The following NFKB1 variants were observed in gnomAD, a reference collection of about 807,000 sequenced individuals.
NFKB1 encodes the protein nuclear factor kappa B subunit 1.
NFKB1 carries 9 observed loss-of-function variants against 105.1 expected under a neutral mutation model. The ratio of observed to expected loss-of-function variants is 0.09; its 90% CI spans 0.05 to 0.15. The LOEUF (loss-of-function observed/expected upper bound fraction) is 0.15. Among genes scored for constraint, NFKB1 ranks in the 10% least tolerant of loss-of-function variants. The probability of loss-of-function intolerance (pLI) is 1.00; values close to 1 mark genes in which losing one functional copy is unlikely to be tolerated. For synonymous variants in NFKB1, 440 were observed against 442.2 expected (o/e 1.00, Z 0.06); for missense variants, 830 against 1,203.7 (o/e 0.69, Z 4.59).
At chr4:102,551,914 T>G (rs186478468) in intron 5 of NFKB1, among the ~76,000 whole-genome samples, 19 of 152,266 alleles carry the variant, frequency 1.2e-4, no homozygotes, top group African/African-American at 4.6e-4. Flanking sequence ...GAAAACAAAT[T>G]ACAAGTACAG....
At chr4:102,520,079 C>T (rs1740466383) in intron 1 of NFKB1, among the ~76,000 whole-genome samples, 1 of 152,146 alleles carries the variant, frequency 6.6e-6, no homozygotes, top group South Asian at 2.1e-4. Context: ...TCTGTAGCCT[C>T]TATACACTAG....
chr4:102,557,670 A>C (rs757948214), intron 5 of NFKB1, among the ~76,000 whole-genome samples: 1 of 152,190 alleles, frequency 6.6e-6, no homozygotes, highest in Non-Finnish European at 1.5e-5. Flanking sequence ...AGCATAGAGG[A>C]AATATCTGAG....
At chr4:102,587,294 A>T (rs1725789412) in intron 11 of NFKB1, among the ~76,000 whole-genome samples, 1 of 152,230 alleles carries the variant, frequency 6.6e-6, no homozygotes, top group African/African-American at 2.4e-5. Flanking sequence ...CACAGAAGAA[A>T]AATATGGATA....
At chr4:102,574,754 G>A (rs1724676164) in intron 6 of NFKB1, among the ~76,000 whole-genome samples, 1 of 152,032 alleles carries the variant, frequency 6.6e-6, no homozygotes, top group African/African-American at 2.4e-5. Flanking sequence ...GATATTTAAG[G>A]TTCAAACCAG....
chr4:102,522,269 C>T (rs1364509522), intron 1 of NFKB1, among the ~76,000 whole-genome samples: 3 of 152,202 alleles, frequency 2.0e-5, no homozygotes, highest in African/African-American at 7.2e-5. Context: ...TTTGACATTT[C>T]ATTTTTAAAT....
intron 5 of NFKB1, among the ~76,000 whole-genome samples, chr4:102,555,999 A>G (rs1023263659): frequency 2.0e-5 from 3 of 152,214 alleles, no homozygotes; most frequent in Admixed American, 1.3e-4. Context: ...TCAAGCTAAG[A>G]TAGATAAACT....
chr4:102,592,037 G>T (rs1454434586), intron 11 of NFKB1, among the ~76,000 whole-genome samples: 2 of 152,224 alleles, frequency 1.3e-5, no homozygotes, highest in African/African-American at 4.8e-5. Flanking sequence ...GGAAGTAACA[G>T]CAGATGTGGT....
intron 13 of NFKB1, among the ~76,000 whole-genome samples, chr4:102,595,735 G>A (rs753517904): frequency 3.9e-5 from 6 of 152,120 alleles, no homozygotes; most frequent in African/African-American, 1.4e-4. Flanking sequence ...ATGGTACACT[G>A]GATAACTCCC....
chr4:102,553,767 A>T (rs559100751), intron 5 of NFKB1, among the ~76,000 whole-genome samples: 1 of 152,314 alleles, frequency 6.6e-6, no homozygotes, highest in African/African-American at 2.4e-5. Context: ...ATTTACTGAA[A>T]ATAAACACTT....
chr4:102,506,258 TA>T (rs1304984717), intron 1 of NFKB1, among the ~76,000 whole-genome samples: 1 of 152,198 alleles, frequency 6.6e-6, no homozygotes, highest in Non-Finnish European at 1.5e-5. Flanking sequence ...TATCAAATAC[TA>T]ATACCTCCAA....
At chr4:102,509,216 G>A (rs1187179790) in intron 1 of NFKB1, among the ~76,000 whole-genome samples, 2 of 152,016 alleles carry the variant, frequency 1.3e-5, no homozygotes, top group Non-Finnish European at 2.9e-5. Flanking sequence ...ATGTCTTTAT[G>A]GTGTCTCTTT....
intron 2 of NFKB1, among the ~76,000 whole-genome samples, chr4:102,526,118 T>G (rs1334365671): frequency 5.3e-5 from 8 of 152,182 alleles, no homozygotes; most frequent in Non-Finnish European, 1.0e-4. Context: ...ATCATTGGAT[T>G]TAGGGTACAC....
At chr4:102,578,435 A>G (rs546936093) in intron 7 of NFKB1, 31 of 171,818 alleles carry the variant, frequency 1.8e-4, no homozygotes, top group African/African-American at 7.1e-4. Flanking sequence ...AGTACCTACT[A>G]TGTGCCAGGC....
intron 5 of NFKB1, among the ~76,000 whole-genome samples, chr4:102,551,367 T>TGTGTGTGCGC (rs370790173): frequency 9.3e-5 from 14 of 150,204 alleles, no homozygotes; most frequent in African/African-American, 2.9e-4. Context: ...TGTGTGTGTG[T>TGTGTGTGCGC]GCGCGCGCGC....
At chr4:102,572,657 G>A (rs949024261) in intron 6 of NFKB1, among the ~76,000 whole-genome samples, 1 of 152,188 alleles carries the variant, frequency 6.6e-6, no homozygotes, top group Non-Finnish European at 1.5e-5. Context: ...TCTGACAGGT[G>A]TGAGATCATA....
intron 5 of NFKB1, among the ~76,000 whole-genome samples, chr4:102,552,589 A>G (rs1219275405): frequency 6.6e-6 from 1 of 152,140 alleles, no homozygotes; most frequent in Non-Finnish European, 1.5e-5. Flanking sequence ...ATAAATCTGT[A>G]ACAAGGGATA....
At position 102,580,525 on chromosome 4, in the gene NFKB1, C is replaced by T; in HGVS notation, c.731-10C>T. On this transcript the variant is annotated splice_polypyrimidine_tract_variant and intron_variant, in intron 8 of 23. Transcript: ENST00000226574. ...AATCATGTTATTTGTTGTTTTTCCC[C>T]TGTGAACAGAAGCCCCCAATGCATC... The T allele has an allele frequency of 1.2e-6, 2 of 1,611,720 alleles. No homozygotes were observed. The highest frequency in any genetic ancestry group is 1.3e-5 in the African/African-American group (1 of 74,968).
At chr4:102,560,977 G>T (rs1723376121) in intron 5 of NFKB1, among the ~76,000 whole-genome samples, 1 of 152,208 alleles carries the variant, frequency 6.6e-6, no homozygotes, top group Non-Finnish European at 1.5e-5. Flanking sequence ...TATTTAATCT[G>T]TGTAAGGCCA....
chr4:102,538,765 G>T (rs1350783476), intron 5 of NFKB1, among the ~76,000 whole-genome samples: 1 of 152,180 alleles, frequency 6.6e-6, no homozygotes, highest in Non-Finnish European at 1.5e-5. Flanking sequence ...GTCAACAATT[G>T]TAATTTAGTT....
Sources: allele counts gnomAD v4.1 joint callset (sites outside exome capture counted in the v4.1 genomes callset), GRCh38; gene constraint gnomAD v4.1.1; transcripts MANE v1.5; gene names NCBI Gene and HGNC (gene_info 2026-07-23, HGNC 2026-07-21).